The following CACNA2D1 variants were observed in gnomAD, a reference collection of about 807,000 sequenced individuals.
The protein encoded by CACNA2D1 is calcium voltage-gated channel auxiliary subunit alpha2delta 1, also known as voltage-dependent calcium channel subunit alpha-2/delta-1.
CACNA2D1 carries 53 observed loss-of-function variants against 171.5 expected under a neutral mutation model. That is an observed-to-expected ratio of 0.31 (90% CI 0.25 to 0.39). The LOEUF (loss-of-function observed/expected upper bound fraction) is 0.39, where lower values mean the gene tolerates loss of function less well. CACNA2D1 is among the 10% of genes least tolerant of loss of function. CACNA2D1 has a pLI of 1.00. For synonymous variants in CACNA2D1, 442 were observed against 443.1 expected, an observed-to-expected ratio of 1.00 and a Z score of 0.03; for missense variants, 903 against 1,299.8, an observed-to-expected ratio of 0.69 and a Z score of 4.69.
At chr7:82,293,062 T>C (rs1415237427) in intron 3 of CACNA2D1, among the ~76,000 whole-genome samples, 1 of 152,094 alleles carries the variant, frequency 6.6e-6, no homozygotes, top group Non-Finnish European at 1.5e-5. Context: ...CTATTTTTTA[T>C]TTCTTTGCCT....
chr7:82,432,084 T>A (rs949029155), intron 1 of CACNA2D1, among the ~76,000 whole-genome samples: 1 of 147,854 alleles, frequency 6.8e-6, no homozygotes, highest in Non-Finnish European at 1.5e-5. Flanking sequence ...TAATAGTGCC[T>A]GGCATACAGA....
intron 3 of CACNA2D1, among the ~76,000 whole-genome samples, chr7:82,270,702 G>A (rs1435887914): frequency 6.6e-6 from 1 of 152,020 alleles, no homozygotes; most frequent in Non-Finnish European, 1.5e-5. Context: ...CCATATGCTA[G>A]CTCCTCTCTT....
At chr7:82,122,838 G>T (rs971073630) in intron 5 of CACNA2D1, among the ~76,000 whole-genome samples, 8 of 152,016 alleles carry the variant, frequency 5.3e-5, no homozygotes, top group African/African-American at 9.7e-5. Context: ...AAAATTAAAA[G>T]AATTTTTTAT....
chr7:82,311,335 A>C (rs758186060), intron 3 of CACNA2D1, among the ~76,000 whole-genome samples: 1 of 152,118 alleles, frequency 6.6e-6, no homozygotes, highest in African/African-American at 2.4e-5. Flanking sequence ...ATACAAATGC[A>C]CTAGGTAAGA....
At chr7:82,092,030 G>GGT (rs998713023) in intron 6 of CACNA2D1, among the ~76,000 whole-genome samples, 3 of 152,080 alleles carry the variant, frequency 2.0e-5, no homozygotes, top group African/African-American at 7.2e-5. Flanking sequence ...AATACTGTAC[G>GGT]GTGCACATCT....
At chr7:82,291,587 TATA>T (rs937267795) in intron 3 of CACNA2D1, among the ~76,000 whole-genome samples, 3 of 142,908 alleles carry the variant, frequency 2.1e-5, no homozygotes, top group African/African-American at 7.7e-5. Flanking sequence ...ATATACTAGA[TATA>T]TAATATATAA....
At chr7:82,161,655 A>G (rs1182765480) in intron 4 of CACNA2D1, among the ~76,000 whole-genome samples, 1 of 152,086 alleles carries the variant, frequency 6.6e-6, no homozygotes, top group Non-Finnish European at 1.5e-5. Context: ...AAAACTTAAC[A>G]GAAGATCAGG....
intron 24 of CACNA2D1, among the ~76,000 whole-genome samples, chr7:81,978,750 A>AGTGTGC (rs541384324): frequency 7.8e-5 from 6 of 76,918 alleles, no homozygotes; most frequent in Admixed American, 2.7e-4. Flanking sequence ...TTTTTTAAAA[A>AGTGTGC]GTGTATATAT....
chr7:82,078,676 G>A (rs1468218665), intron 7 of CACNA2D1, among the ~76,000 whole-genome samples: 1 of 152,178 alleles, frequency 6.6e-6, no homozygotes, highest in African/African-American at 2.4e-5. Flanking sequence ...TGTGGATGTA[G>A]CAAATGCTAC....
At position 82,037,208 on chromosome 7, in the gene CACNA2D1, G is replaced by A. The variant is rs376990613; in HGVS notation, c.1038+869C>T. On this transcript the variant is annotated intron_variant, in intron 11 of 38. Transcript: ENST00000356860. Reference sequence around the variant, plus strand: ...GACACACACTATAAGGCTGGAAGCGGTAGCTCATGCCTGTAATCCCAGCAC... The same window carrying A: ...GACACACACTATAAGGCTGGAAGCGATAGCTCATGCCTGTAATCCCAGCAC... 7.0e-4 allele frequency among the ~76,000 whole-genome samples: 107 copies of A among 152,350 alleles called. 2 individuals are homozygous for A. The South Asian group carries it at 0.022, about 31-fold the overall frequency.
chr7:81,983,739 C>G (rs1796670219), intron 22 of CACNA2D1, among the ~76,000 whole-genome samples: 1 of 152,084 alleles, frequency 6.6e-6, no homozygotes, highest in South Asian at 2.1e-4. Context: ...ATCTATCTAT[C>G]AAGTGAAAGT....
intron 1 of CACNA2D1, among the ~76,000 whole-genome samples, chr7:82,414,793 AT>A (rs1828004498): frequency 6.6e-6 from 1 of 152,206 alleles, no homozygotes; most frequent in Non-Finnish European, 1.5e-5. Flanking sequence ...TTGATTCTAC[AT>A]GTCCATACAC....
chr7:82,252,673 T>A lies in CACNA2D1; in HGVS notation c.295-82064A>T, dbSNP rs940499174. 2.3e-4 allele frequency among the ~76,000 whole-genome samples: 35 copies of A among 152,184 alleles called. 1 individual carries two copies. The highest frequency in any genetic ancestry group is 7.9e-4 in the African/African-American group (33 of 41,538). ...TTGGGAGGCCAAGGCGGGCAGATCA[T>A]GAGGTCAAGAGATCGAGACCATCTG... On this transcript the variant is annotated intron_variant, in intron 3 of 38. Coordinates refer to ENST00000356860, the MANE Select transcript of CACNA2D1 (RefSeq NM_000722.4).
intron 3 of CACNA2D1, among the ~76,000 whole-genome samples, chr7:82,331,326 C>T (rs1478389357): frequency 2.6e-5 from 4 of 152,014 alleles, no homozygotes; most frequent in African/African-American, 9.7e-5. Flanking sequence ...ACATTAGTGT[C>T]CCACCCAGAA....
At chr7:82,184,817 G>A (rs1797495645) in intron 3 of CACNA2D1, among the ~76,000 whole-genome samples, 1 of 152,058 alleles carries the variant, frequency 6.6e-6, no homozygotes, top group Non-Finnish European at 1.5e-5. Context: ...TATCTCAGTT[G>A]AACATCATAA....
chr7:82,188,170 TG>T (rs1797957981), intron 3 of CACNA2D1, among the ~76,000 whole-genome samples: 1 of 152,058 alleles, frequency 6.6e-6, no homozygotes. Flanking sequence ...ATCATTGCCT[TG>T]GGGATTAGGT....
chr7:82,312,753 C>T (rs760803769), intron 3 of CACNA2D1, among the ~76,000 whole-genome samples: 3 of 151,170 alleles, frequency 2.0e-5, no homozygotes, highest in Non-Finnish European at 2.9e-5. Flanking sequence ...AGGCTGGTCT[C>T]GAACTCCTTA....
chr7:82,043,506 G>A (rs530638193), intron 10 of CACNA2D1, among the ~76,000 whole-genome samples: 1 of 152,254 alleles, frequency 6.6e-6, no homozygotes, highest in African/African-American at 2.4e-5. Flanking sequence ...TTTGGTGTTT[G>A]AAACAGTTTC....
intron 3 of CACNA2D1, among the ~76,000 whole-genome samples, chr7:82,226,548 A>T (rs888234476): frequency 6.6e-6 from 1 of 152,138 alleles, no homozygotes; most frequent in Non-Finnish European, 1.5e-5. Context: ...CTTCAGAGGG[A>T]TCGATTAAAA....
Sources: gnomAD v4.1 joint callset for allele counts (sites outside exome capture counted in the v4.1 genomes callset) on GRCh38, gnomAD v4.1.1 for gene constraint, MANE v1.5 for transcripts, NCBI Gene and HGNC (gene_info 2026-07-23, HGNC 2026-07-21) for gene names.